Variants in CSMD1 observed in about 807,000 individuals in gnomAD.
CSMD1 encodes CUB and sushi domain-containing protein 1.
Under a neutral mutation model 417.5 loss-of-function variants are expected in CSMD1, and 213 were observed. That is an observed-to-expected ratio of 0.51 (90% CI 0.46 to 0.57). The LOEUF (loss-of-function observed/expected upper bound fraction) is 0.57, where lower values mean the gene tolerates loss of function less well. CSMD1 is among the 20% of genes least tolerant of loss of function. The pLI, the probability that CSMD1 is intolerant of heterozygous loss-of-function variation, is 0.00. For missense variants in CSMD1, 6,923 were observed against 4,529.7 expected, an observed-to-expected ratio of 1.53 and a Z score of -15.17; for synonymous variants, 2,862 against 1,736.8, an observed-to-expected ratio of 1.65 and a Z score of -16.11.
intron 3 of CSMD1, among the ~76,000 whole-genome samples, chr8:4,396,294 T>C (rs939682493): frequency 7.4e-6 from 1 of 135,950 alleles, no homozygotes; most frequent in African/African-American, 3.3e-5. Flanking sequence ...AGACATCATC[T>C]CTTAAAAGTA....
intron 3 of CSMD1, among the ~76,000 whole-genome samples, chr8:4,163,710 G>T (rs1797294606): frequency 6.6e-6 from 1 of 152,106 alleles, no homozygotes; most frequent in South Asian, 2.1e-4. Context: ...TTTTTTTATG[G>T]TGGATGTGAT....
intron 1 of CSMD1, among the ~76,000 whole-genome samples, chr8:4,831,214 T>C (rs1585176028): frequency 6.6e-6 from 1 of 152,232 alleles, no homozygotes; most frequent in Non-Finnish European, 1.5e-5. Flanking sequence ...CCTTTCATTT[T>C]CCACACCTGA....
At chr8:4,008,468 T>C (rs1184897591) in intron 4 of CSMD1, among the ~76,000 whole-genome samples, 1 of 151,848 alleles carries the variant, frequency 6.6e-6, no homozygotes, top group Non-Finnish European at 1.5e-5. Context: ...AAATGCTATT[T>C]AAAATTTCAG....
chr8:4,892,111 T>C (rs1010118229), intron 1 of CSMD1, among the ~76,000 whole-genome samples: 9 of 152,140 alleles, frequency 5.9e-5, no homozygotes, highest in African/African-American at 2.2e-4. Flanking sequence ...TCTTCCTCTC[T>C]GTCACAGGGA....
At chr8:3,736,031 G>A (rs887881458) in intron 6 of CSMD1, among the ~76,000 whole-genome samples, 1 of 151,852 alleles carries the variant, frequency 6.6e-6, no homozygotes, top group African/African-American at 2.4e-5. Context: ...AGAGGGAATA[G>A]AAATACAAAG....
chr8:4,585,051 A>G (rs1799630069), intron 2 of CSMD1, among the ~76,000 whole-genome samples: 1 of 152,002 alleles, frequency 6.6e-6, no homozygotes, highest in African/African-American at 2.4e-5. Flanking sequence ...TATTTTAAAA[A>G]AATTACCCAG....
At chr8:3,011,266 G>C (rs1052375381) in intron 52 of CSMD1, among the ~76,000 whole-genome samples, 2 of 152,148 alleles carry the variant, frequency 1.3e-5, no homozygotes, top group African/African-American at 4.8e-5. Flanking sequence ...AACTGGTATA[G>C]GGAGTTTTCC....
intron 7 of CSMD1, among the ~76,000 whole-genome samples, chr8:3,656,854 G>A (rs1798136502): frequency 6.6e-6 from 1 of 152,028 alleles, no homozygotes; most frequent in African/African-American, 2.4e-5. Flanking sequence ...GTCCCTGGGT[G>A]GCAGAGGTGG....
At chr8:4,168,107 A>C (rs367715106) in intron 3 of CSMD1, among the ~76,000 whole-genome samples, 1 of 151,622 alleles carries the variant, frequency 6.6e-6, no homozygotes, top group Non-Finnish European at 1.5e-5. Context: ...CCAGCTTGGG[A>C]AAGAGAGCAA....
intron 3 of CSMD1, among the ~76,000 whole-genome samples, chr8:4,139,712 G>A (rs907125304): frequency 1.3e-5 from 2 of 151,160 alleles, no homozygotes; most frequent in Admixed American, 1.3e-4. Context: ...TTGGTGGGAA[G>A]CCCCGAGTGA....
At chr8:3,188,064 G>A (rs886375469) in intron 35 of CSMD1, 99 bp from the exon 36 acceptor site, 9 of 512,286 alleles carry the variant, frequency 1.8e-5, no homozygotes, top group African/African-American at 6.1e-5. Context: ...AGGTGTATAT[G>A]TATATATATA....
intron 18 of CSMD1, among the ~76,000 whole-genome samples, chr8:3,372,220 C>A (rs887058572): frequency 6.6e-6 from 1 of 152,018 alleles, no homozygotes; most frequent in Non-Finnish European, 1.5e-5. Flanking sequence ...ACAGTGAATA[C>A]CTGGGGAACA....
Position 2,978,775 on chromosome 8 carries a change from A to G in CSMD1, c.8403T>C (p.Phe2801=), listed in dbSNP as rs1301180325. The G allele has an allele frequency of 1.9e-6, 3 of 1,613,380 alleles. No homozygotes were observed. The East Asian group carries it at 6.7e-5, about 36-fold the overall frequency. Residue 2801 remains phenylalanine (F), a synonymous_variant, in exon 55 of 70, where the codon TTT becomes TTC. Transcript: ENST00000635120. ...CRVVNCSDPG[F]VENAIRHGQQ... ...GCCCGTGACGAATGGCATTTTCCAC[A>G]AAGCCTGGATCAGAACAGTTCACCA...
chr8:4,264,438 C>T (rs1003522561), intron 3 of CSMD1, among the ~76,000 whole-genome samples: 1 of 152,102 alleles, frequency 6.6e-6, no homozygotes, highest in Admixed American at 6.6e-5. Context: ...TTTAATAAAA[C>T]AAATTACTGG....
chr8:3,078,992 T>C (rs950518545), intron 49 of CSMD1, among the ~76,000 whole-genome samples: 1 of 152,120 alleles, frequency 6.6e-6, no homozygotes, highest in African/African-American at 2.4e-5. Flanking sequence ...TTTATGCCCA[T>C]TTGCAGATAA....
At chr8:4,124,057 C>G (rs2130953023) in intron 3 of CSMD1, among the ~76,000 whole-genome samples, 1 of 151,796 alleles carries the variant, frequency 6.6e-6, no homozygotes. Context: ...ACGACATTCC[C>G]AACACACAGA....
intron 1 of CSMD1, among the ~76,000 whole-genome samples, chr8:4,815,246 A>G (rs1799138045): frequency 6.6e-6 from 1 of 152,156 alleles, no homozygotes; most frequent in Non-Finnish European, 1.5e-5. Context: ...TGAAACCACA[A>G]TTAACAATTT....
chr8:4,433,927 G>A (rs185513170), intron 2 of CSMD1, among the ~76,000 whole-genome samples: 2 of 152,244 alleles, frequency 1.3e-5, no homozygotes, highest in East Asian at 3.9e-4. Context: ...AGCAAAAAAG[G>A]GGGAAACTTG....
chr8:4,524,551 T>C (rs1796412674), intron 2 of CSMD1, among the ~76,000 whole-genome samples: 1 of 150,768 alleles, frequency 6.6e-6, no homozygotes, highest in Non-Finnish European at 1.5e-5. Flanking sequence ...TTCATGACCA[T>C]TTTTCATCAC....
Sources: allele counts gnomAD v4.1 joint callset (sites outside exome capture counted in the v4.1 genomes callset), GRCh38; gene constraint gnomAD v4.1.1; transcripts MANE v1.5; gene names NCBI Gene and HGNC (gene_info 2026-07-23, HGNC 2026-07-21).